CHST8: variants seen among roughly 807,000 people sequenced by gnomAD.
CHST8 encodes carbohydrate sulfotransferase 8.
Under a neutral mutation model 15.0 loss-of-function variants are expected in CHST8, and 10 were observed. The observed-to-expected ratio is 0.67, with a 90% CI of 0.41 to 1.13. The LOEUF (loss-of-function observed/expected upper bound fraction) is 1.13. Ranked by LOEUF, CHST8 falls within the 50% of genes most tolerant of loss-of-function variation. CHST8 has a pLI of 0.00. For synonymous variants in CHST8, 259 were observed against 256.6 expected (o/e 1.01, Z -0.09); for missense variants, 634 against 608.2 (o/e 1.04, Z -0.45).
chr19:33,743,993 G>A (rs944398110), intron 3 of CHST8, among the ~76,000 whole-genome samples: 3 of 151,882 alleles, frequency 2.0e-5, no homozygotes, highest in Non-Finnish European at 4.4e-5. Flanking sequence ...GTTTCACCAT[G>A]TTGACCAGGC....
At chr19:33,718,831 G>C (rs906428657) in intron 3 of CHST8, among the ~76,000 whole-genome samples, 16 of 152,214 alleles carry the variant, frequency 1.1e-4, no homozygotes, top group Non-Finnish European at 2.1e-4. Context: ...AGTGGGGAGA[G>C]GTCACGGTCC....
In CHST8 at chr19:33,664,168, T is replaced by C. The variant is rs7252987; in HGVS notation, c.-163-3599T>C. 4.1e-3 allele frequency among the ~76,000 whole-genome samples: 631 copies of C among 152,322 alleles called. 4 individuals carry two copies. The highest frequency in any genetic ancestry group is 0.015 in the African/African-American group (608 of 41,584). ...ACTTCCACTGTATTGTTTGAAGTTT[T>C]TTCCTGTGAGAATGCATTCCTGTGT... On this transcript the variant is annotated intron_variant, in intron 1 of 4. Transcript: ENST00000650847.
At chr19:33,727,939 C>G (rs1973932392) in intron 3 of CHST8, among the ~76,000 whole-genome samples, 1 of 152,226 alleles carries the variant, frequency 6.6e-6, no homozygotes, top group Non-Finnish European at 1.5e-5. Flanking sequence ...TCTCCTCTGG[C>G]CCAGCCCCGG....
At position 33,664,667 on chromosome 19, in the gene CHST8, A is replaced by AT. The variant is rs1344742703; in HGVS notation, c.-163-3095dup. Among the ~76,000 whole-genome samples, 3 of 152,182 alleles carry AT rather than the reference A, an allele frequency of 2.0e-5. No homozygotes were observed. In the East Asian group the frequency reaches 5.8e-4, roughly 29 times the overall value. On this transcript the variant is annotated intron_variant, in intron 1 of 4. Coordinates refer to ENST00000650847, the MANE Select transcript of CHST8 (RefSeq NM_001127895.2). ...ATGATTTAAAAAAAATTATACTGCC[A>AT]TTTTTATGCATGTGCTTAAATATCT...
intron 3 of CHST8, among the ~76,000 whole-genome samples, chr19:33,694,275 T>A (rs1286239609): frequency 1.4e-5 from 2 of 146,706 alleles, no homozygotes; most frequent in African/African-American, 5.0e-5. Context: ...GTTCTTTTAA[T>A]GTTTGGCTTT....
At chr19:33,671,192 A>G (rs1368194373) in intron 2 of CHST8, among the ~76,000 whole-genome samples, 1 of 152,216 alleles carries the variant, frequency 6.6e-6, no homozygotes, top group Admixed American at 6.5e-5. Flanking sequence ...AGAAAAGCTC[A>G]TGGCCGGCAA....
chr19:33,669,165 C>T (rs1258578130), intron 2 of CHST8, among the ~76,000 whole-genome samples: 1 of 152,198 alleles, frequency 6.6e-6, no homozygotes. Flanking sequence ...ATACGCATTC[C>T]TGCTTCTTGG....
intron 1 of CHST8, among the ~76,000 whole-genome samples, chr19:33,632,516 G>A (rs1395496064): frequency 6.6e-6 from 1 of 151,988 alleles, no homozygotes; most frequent in East Asian, 1.9e-4. Flanking sequence ...ATGCACCATT[G>A]TACATATTTA....
chr19:33,662,669 A>G (rs1972602779), intron 1 of CHST8, among the ~76,000 whole-genome samples: 1 of 152,158 alleles, frequency 6.6e-6, no homozygotes. Flanking sequence ...GTGGAGGGGC[A>G]GGAGGAAGGA....
chr19:33,634,560 C>G (rs557616539), intron 1 of CHST8, among the ~76,000 whole-genome samples: 1 of 150,832 alleles, frequency 6.6e-6, no homozygotes, highest in Non-Finnish European at 1.5e-5. Flanking sequence ...CCCAGAATCA[C>G]GTGGGTTGCT....
At chr19:33,632,670 C>G (rs947479217) in intron 1 of CHST8, among the ~76,000 whole-genome samples, 4 of 152,112 alleles carry the variant, frequency 2.6e-5, no homozygotes, top group African/African-American at 7.2e-5. Flanking sequence ...CAGAACCCCC[C>G]CATGACCTCT....
At position 33,644,277 on chromosome 19, in the gene CHST8, A is replaced by G. The variant is rs545951394; in HGVS notation, c.-164+21981A>G. 3.3e-5 allele frequency among the ~76,000 whole-genome samples: 5 copies of G among 152,232 alleles called. No homozygotes were observed. In the South Asian group the frequency reaches 1.0e-3, roughly 32 times the overall value. ...TATACTGGGTCTTCTGAGCTGATCC[A>G]TGTACTCAACAAATATTTATGGAGA... On this transcript the variant is annotated intron_variant, in intron 1 of 4. Transcript: ENST00000650847.
chr19:33,681,079 C>T (rs1023394344), intron 2 of CHST8, among the ~76,000 whole-genome samples: 3 of 152,152 alleles, frequency 2.0e-5, no homozygotes, highest in African/African-American at 7.2e-5. Flanking sequence ...CACAAGGATC[C>T]TCGTGTTGCT....
chr19:33,672,339 A>G (rs1046731282), intron 2 of CHST8, among the ~76,000 whole-genome samples: 2 of 152,062 alleles, frequency 1.3e-5, no homozygotes, highest in Non-Finnish European at 2.9e-5. Flanking sequence ...CTAGGATTAC[A>G]GGCGCACACC....
At chr19:33,759,986 C>T (rs2145376035) in intron 3 of CHST8, among the ~76,000 whole-genome samples, 1 of 152,272 alleles carries the variant, frequency 6.6e-6, no homozygotes, top group East Asian at 1.9e-4. Context: ...TTCAACATTT[C>T]CCAGCACACC....
Position 33,773,076 on chromosome 19 carries a change from C to A in CHST8, c.*13C>A. On this transcript the variant is annotated 3_prime_UTR_variant, in exon 5 of 5. Coordinates refer to ENST00000650847, the MANE Select transcript of CHST8 (RefSeq NM_001127895.2). ...AGATCTGTACTGAGGGGCGCCGCAG[C>A]TGGCCGGGGCCGCCCTGCCCCGGTC... is the stretch of plus-strand genomic sequence containing the variant. 2 of 1,575,700 alleles carry A rather than the reference C, an allele frequency of 1.3e-6. No individual in the cohort carries two copies. The highest frequency in any genetic ancestry group is 1.7e-6 in the Non-Finnish European group (2 of 1,163,634).
intron 1 of CHST8, among the ~76,000 whole-genome samples, chr19:33,642,904 C>A (rs1480080014): frequency 6.6e-6 from 1 of 152,218 alleles, no homozygotes; most frequent in Non-Finnish European, 1.5e-5. Context: ...ATCATGAATT[C>A]TTTTCCATGG....
chr19:33,767,661 C>T (rs573468719), intron 3 of CHST8, among the ~76,000 whole-genome samples: 10 of 152,148 alleles, frequency 6.6e-5, no homozygotes, highest in Non-Finnish European at 8.8e-5. Context: ...TCTTACTGTG[C>T]GGGGGGATGG....
chr19:33,637,859 GAAAAAAAAAA>G (rs566331956), intron 1 of CHST8, among the ~76,000 whole-genome samples: 1 of 75,332 alleles, frequency 1.3e-5, no homozygotes. Flanking sequence ...TATCTCTTAA[GAAAAAAAAAA>G]AAAAAAAGAA....
Sources: allele counts gnomAD v4.1 joint callset (sites outside exome capture counted in the v4.1 genomes callset), GRCh38; gene constraint gnomAD v4.1.1; transcripts MANE v1.5; gene names NCBI Gene and HGNC (gene_info 2026-07-23, HGNC 2026-07-21).